Variants in KMT2C observed in about 807,000 individuals in gnomAD.
KMT2C encodes the protein lysine methyltransferase 2C, also known as histone-lysine N-methyltransferase 2C.
KMT2C carries 88 observed loss-of-function variants against 507.9 expected under a neutral mutation model. The observed-to-expected ratio is 0.17, with a 90% CI of 0.15 to 0.21. KMT2C has a LOEUF of 0.21. Ranked by LOEUF, KMT2C falls within the 10% of genes least tolerant of loss-of-function variation. The pLI is 1.00. For synonymous variants in KMT2C, 2,049 were observed against 2,080.8 expected, an observed-to-expected ratio of 0.98 and a Z score of 0.42; for missense variants, 4,954 against 5,957.8, an observed-to-expected ratio of 0.83 and a Z score of 5.55.
intron 1 of KMT2C, among the ~76,000 whole-genome samples, chr7:152,432,998 A>T (rs1328559106): frequency 6.6e-6 from 1 of 152,094 alleles, no homozygotes; most frequent in African/African-American, 2.4e-5. Flanking sequence ...AATACAAAAA[A>T]TTAGCTAGGT....
At chr7:152,359,091 T>A (rs927320677) in intron 1 of KMT2C, among the ~76,000 whole-genome samples, 2 of 152,186 alleles carry the variant, frequency 1.3e-5, no homozygotes, top group African/African-American at 4.8e-5. Context: ...ACCAGATATA[T>A]GTATTTTTAA....
chr7:152,311,317 A>G lies in KMT2C; in HGVS notation c.739+481T>C, dbSNP rs532767225. Among the ~76,000 whole-genome samples, 21 of 152,288 alleles carry G rather than the reference A, an allele frequency of 1.4e-4. No individual in the cohort carries two copies. The South Asian group carries it at 4.4e-3, about 32-fold the overall frequency. On this transcript the variant is annotated intron_variant, in intron 5 of 58. Transcript: ENST00000262189. The stretch of plus-strand genomic sequence containing the variant: ...TCCATCACATAACACTTGAACCACT[A>G]TCAGTCAATCTGCAGTTCAACTACA...
chr7:152,361,376 C>T (rs112805765), intron 1 of KMT2C, among the ~76,000 whole-genome samples: 1 of 151,946 alleles, frequency 6.6e-6, no homozygotes, highest in Admixed American at 6.6e-5. Flanking sequence ...CTGGCTAACA[C>T]GGTGAAACCC....
At chr7:152,417,629 C>CA (rs1363777715) in intron 1 of KMT2C, among the ~76,000 whole-genome samples, 4 of 152,022 alleles carry the variant, frequency 2.6e-5, no homozygotes, top group East Asian at 1.9e-4. Flanking sequence ...TATGAAGAAT[C>CA]AAAAAATGCT....
intron 6 of KMT2C, among the ~76,000 whole-genome samples, chr7:152,278,238 T>TC (rs1193048542): frequency 6.6e-6 from 1 of 152,062 alleles, no homozygotes; most frequent in African/African-American, 2.4e-5. Flanking sequence ...AGATGCCTGC[T>TC]CCCCCTTCTC....
chr7:152,348,613 A>G (rs2097083058), intron 2 of KMT2C, among the ~76,000 whole-genome samples: 4 of 149,528 alleles, frequency 2.7e-5, no homozygotes, highest in African/African-American at 9.8e-5. Context: ...AAAAAAAAAA[A>G]AAAAAAAAAA....
At chr7:152,361,666 C>G (rs2097198912) in intron 1 of KMT2C, among the ~76,000 whole-genome samples, 1 of 151,484 alleles carries the variant, frequency 6.6e-6, no homozygotes, top group African/African-American at 2.4e-5. Context: ...CAACAGCAGG[C>G]AGAAAAGGAA....
chr7:152,207,105 C>A (rs1326341641), intron 24 of KMT2C, among the ~76,000 whole-genome samples, 195 bp downstream of exon 24: 1 of 152,022 alleles, frequency 6.6e-6, no homozygotes, highest in African/African-American at 2.4e-5. Flanking sequence ...GAAGTATTCA[C>A]ACATTCAAAA....
At chr7:152,319,089 A>C (rs963402661) in intron 3 of KMT2C, among the ~76,000 whole-genome samples, 17 of 152,224 alleles carry the variant, frequency 1.1e-4, no homozygotes, top group African/African-American at 4.1e-4. Context: ...AATTACTTAA[A>C]TATTCTATAA....
intron 14 of KMT2C, among the ~76,000 whole-genome samples, chr7:152,245,948 G>C (rs114868267): frequency 6.6e-6 from 1 of 152,084 alleles, no homozygotes; most frequent in South Asian, 2.1e-4. Flanking sequence ...TTATTTTACA[G>C]CCAATCCCCA....
chr7:152,324,435 C>G (rs2096805386), intron 3 of KMT2C, among the ~76,000 whole-genome samples: 1 of 151,562 alleles, frequency 6.6e-6, no homozygotes, highest in Non-Finnish European at 1.5e-5. Flanking sequence ...CATAAATGTA[C>G]AATTAGGATT....
rs1370627282 is a variant in KMT2C, at chr7:152,163,506, C to T, written c.10071G>A (p.Gln3357=). ...CTGGTGTACAAGTTTTTATTGGTAA[C>T]TGGGCAATTGGGGGCTGAATTCTAG... is the stretch of plus-strand genomic sequence containing the variant. The part of the protein sequence containing the change: ...NPPRIQPPIA[Q]LPIKTCTPAP... Residue 3357 remains glutamine, a synonymous_variant, in exon 43 of 59, where the codon CAG becomes CAA. Transcript: ENST00000262189. 6.2e-6 allele frequency: 10 copies of T among 1,613,588 alleles called. No homozygotes were observed. In the South Asian group the frequency reaches 8.8e-5, roughly 14 times the overall value.
At chr7:152,290,266 A>ATG (rs1284021777) in intron 6 of KMT2C, among the ~76,000 whole-genome samples, 24 of 18,418 alleles carry the variant, frequency 1.3e-3, no homozygotes, top group African/African-American at 5.0e-3. Flanking sequence ...GTGTATATAT[A>ATG]TATATATATA....
intron 9 of KMT2C, among the ~76,000 whole-genome samples, chr7:152,253,918 C>A (rs183682949): frequency 6.6e-6 from 1 of 152,226 alleles, no homozygotes; most frequent in South Asian, 2.1e-4. Context: ...CCCTGGGTAT[C>A]CCTGGGTGTA....
chr7:152,142,987 A>C (rs1262206089), intron 55 of KMT2C, among the ~76,000 whole-genome samples: 1 of 152,196 alleles, frequency 6.6e-6, no homozygotes, highest in Non-Finnish European at 1.5e-5. Context: ...AAGAGACAGA[A>C]ACCAGAGCTC....
At chr7:152,326,378 T>C (rs1287589667) in intron 3 of KMT2C, among the ~76,000 whole-genome samples, 1 of 152,178 alleles carries the variant, frequency 6.6e-6, no homozygotes, top group Non-Finnish European at 1.5e-5. Context: ...ATTTTCTCTA[T>C]AAAAGTCTTA....
chr7:152,392,239 A>G (rs2097504901), intron 1 of KMT2C, among the ~76,000 whole-genome samples: 1 of 152,192 alleles, frequency 6.6e-6, no homozygotes, highest in Admixed American at 6.5e-5. Context: ...CACAGGACCA[A>G]GAATTGGAAA....
chr7:152,294,562 A>G (rs1466684397), intron 6 of KMT2C, among the ~76,000 whole-genome samples: 1 of 151,982 alleles, frequency 6.6e-6, no homozygotes, highest in East Asian at 1.9e-4. Context: ...TCATAGTTGC[A>G]GTATACTATC....
rs1283067830 is a variant in KMT2C, at chr7:152,177,699, G to A, written c.7754C>T (p.Ser2585Phe). The change falls in exon 38 of 59, where the codon TCT (serine) becomes TTT (phenylalanine). Residue 2585 changes from serine to phenylalanine, a missense_variant. Physicochemically the swap from Ser to Phe is radical, Grantham distance 155. Coordinates refer to ENST00000262189, the MANE Select transcript of KMT2C (RefSeq NM_170606.3). ...GAAGTTTCCATGTCTCAGATTAGAA[G>A]ATGCCTCTACAACGCTGCCAGGTGG... is the stretch of plus-strand genomic sequence containing the variant. ...SAPPGSVVEA[S>F]SNLRHGNFIP... 1 of 1,614,116 alleles carries A rather than the reference G, an allele frequency of 6.2e-7. No homozygotes were observed. The highest frequency in any genetic ancestry group is 1.1e-5 in the South Asian group (1 of 91,074).
Sources: gnomAD v4.1 joint callset for allele counts (sites outside exome capture counted in the v4.1 genomes callset) on GRCh38, gnomAD v4.1.1 for gene constraint, MANE v1.5 for transcripts, NCBI Gene and HGNC (gene_info 2026-07-23, HGNC 2026-07-21) for gene names.